ITFG1: variants seen among roughly 807,000 people sequenced by gnomAD.
The protein encoded by ITFG1 is T-cell immunomodulatory protein.
A neutral mutation model predicts 81.8 loss-of-function variants in ITFG1; 34 were observed. The observed-to-expected ratio is 0.42, with a 90% confidence interval of 0.32 to 0.55. ITFG1 has a LOEUF of 0.55. ITFG1 is among the 20% of genes least tolerant of loss of function. The pLI, the probability that ITFG1 is intolerant of heterozygous loss-of-function variation, is 0.17. For missense variants in ITFG1, 672 were observed against 755.4 expected (o/e 0.89, Z 1.29); for synonymous variants, 285 against 270.6 (o/e 1.05, Z -0.52).
intron 7 of ITFG1, among the ~76,000 whole-genome samples, chr16:47,371,252 T>G (rs1207766077): frequency 6.6e-6 from 1 of 152,272 alleles, no homozygotes; most frequent in Non-Finnish European, 1.5e-5. Context: ...AGTCCTTCTT[T>G]AAGCATTCCT....
At chr16:47,385,585 A>T (rs1280477712) in intron 6 of ITFG1, among the ~76,000 whole-genome samples, 2 of 152,266 alleles carry the variant, frequency 1.3e-5, no homozygotes, top group Non-Finnish European at 2.9e-5. Context: ...AAATAATTTT[A>T]AAAACAATGT....
chr16:47,197,995 T>C (rs751730819), intron 14 of ITFG1, among the ~76,000 whole-genome samples: 2 of 152,234 alleles, frequency 1.3e-5, no homozygotes, highest in Non-Finnish European at 2.9e-5. Context: ...TATAATTTCT[T>C]TTTATAGGGC....
At chr16:47,392,145 G>A (rs1218495059) in intron 6 of ITFG1, among the ~76,000 whole-genome samples, 1 of 152,194 alleles carries the variant, frequency 6.6e-6, no homozygotes, top group Non-Finnish European at 1.5e-5. Flanking sequence ...TGGGTGCGGT[G>A]GCTAATGCCT....
At chr16:47,306,663 C>A (rs1028940587) in intron 10 of ITFG1, among the ~76,000 whole-genome samples, 7 of 148,670 alleles carry the variant, frequency 4.7e-5, no homozygotes, top group Non-Finnish European at 7.4e-5. Context: ...AAAAAAAAAA[C>A]TTGAAGAAAG....
intron 12 of ITFG1, among the ~76,000 whole-genome samples, chr16:47,251,843 T>A (rs1295425740): frequency 6.6e-6 from 1 of 152,382 alleles, no homozygotes; most frequent in Non-Finnish European, 1.5e-5. Flanking sequence ...GTTATGTGAA[T>A]GTAGTTTTTC....
chr16:47,206,067 C>T (rs537262474), intron 14 of ITFG1, among the ~76,000 whole-genome samples: 3 of 152,078 alleles, frequency 2.0e-5, no homozygotes, highest in Admixed American at 1.3e-4. Flanking sequence ...GGTTTCACCA[C>T]GTTGGTCTGG....
intron 8 of ITFG1, among the ~76,000 whole-genome samples, chr16:47,353,521 T>C (rs1380885356): frequency 2.0e-5 from 3 of 152,048 alleles, no homozygotes; most frequent in African/African-American, 7.2e-5. Context: ...TCACCACTTG[T>C]ATTAAAAAAA....
chr16:47,220,899 A>G (rs914471018), intron 13 of ITFG1, among the ~76,000 whole-genome samples: 2 of 152,220 alleles, frequency 1.3e-5, no homozygotes, highest in African/African-American at 4.8e-5. Context: ...AGAACTTTGC[A>G]AGAATCCAAG....
At chr16:47,282,197 A>G (rs1342426769) in intron 10 of ITFG1, among the ~76,000 whole-genome samples, 1 of 151,736 alleles carries the variant, frequency 6.6e-6, no homozygotes. Context: ...ACATTGGTAC[A>G]ATATATACTA....
chr16:47,449,030 T>A (rs1311861068), intron 5 of ITFG1: 1 of 152,206 alleles, frequency 6.6e-6, no homozygotes, highest in Non-Finnish European at 1.5e-5. Flanking sequence ...TTATCACCAC[T>A]GCTGTTTAGA....
In ITFG1 at chr16:47,409,395, TATATATA is replaced by T. The variant is rs1467430303; in HGVS notation, c.655+19402_655+19408del. On this transcript the variant is annotated intron_variant, in intron 6 of 17. Transcript: ENST00000320640. ...CACACTATATATATATATATATATA[TATATATA>T]TATTTTTTTTTTTTTTTTTTTTTTT... is the stretch of plus-strand genomic sequence containing the variant. Among the ~76,000 whole-genome samples the T allele has an allele frequency of 6.8e-3, 122 of 17,850 alleles. 8 individuals are homozygous for T. The highest frequency in any genetic ancestry group is 0.052 in the Admixed American group (90 of 1,724). The allele number at this position is 17,850 out of a possible 152,430, so 11.7% of individuals were successfully genotyped here. A position where few individuals can be genotyped will look rare whatever the true frequency, so the allele number is the denominator to read the frequency against.
intron 10 of ITFG1, among the ~76,000 whole-genome samples, chr16:47,288,716 T>C (rs1456898657): frequency 1.3e-5 from 2 of 152,088 alleles, no homozygotes; most frequent in Non-Finnish European, 2.9e-5. Flanking sequence ...CTGGTTAACA[T>C]GGTGAAACCC....
chr16:47,234,658 C>T (rs989329629), intron 13 of ITFG1, among the ~76,000 whole-genome samples: 1 of 151,952 alleles, frequency 6.6e-6, no homozygotes, highest in Non-Finnish European at 1.5e-5. Context: ...TTGAAACAAG[C>T]CAGAAAAAAG....
chr16:47,450,594 A>G (rs775438516), intron 5 of ITFG1: 6 of 212,608 alleles, frequency 2.8e-5, no homozygotes, highest in South Asian at 2.0e-4. Context: ...TATAAAACAC[A>G]AAGAGAAAAG....
chr16:47,279,936 TAA>T (rs1056220150), intron 10 of ITFG1, among the ~76,000 whole-genome samples: 1 of 152,160 alleles, frequency 6.6e-6, no homozygotes, highest in East Asian at 1.9e-4. Context: ...TATATAGAAA[TAA>T]GAGTGATTCT....
chr16:47,338,837 A>T (rs922704512), intron 8 of ITFG1, among the ~76,000 whole-genome samples: 1 of 152,124 alleles, frequency 6.6e-6, no homozygotes, highest in Non-Finnish European at 1.5e-5. Flanking sequence ...CTACTCTTCT[A>T]TTTTAAAATG....
intron 6 of ITFG1, among the ~76,000 whole-genome samples, chr16:47,426,645 A>G (rs942913923): frequency 3.3e-5 from 5 of 151,820 alleles, no homozygotes; most frequent in Non-Finnish European, 7.4e-5. Context: ...AAAATTTACT[A>G]GATAAAAGGT....
chr16:47,409,402 A>AAATT (rs1968777287), intron 6 of ITFG1, among the ~76,000 whole-genome samples: 1 of 8,780 alleles, frequency 1.1e-4, no homozygotes, highest in Non-Finnish European at 2.2e-4. Context: ...ATATATATAT[A>AAATT]TATTTTTTTT....
At chr16:47,375,541 T>A (rs1046556611) in intron 7 of ITFG1, among the ~76,000 whole-genome samples, 1 of 152,208 alleles carries the variant, frequency 6.6e-6, no homozygotes, top group Non-Finnish European at 1.5e-5. Flanking sequence ...TTAAAATAGT[T>A]TTTTTTCATA....
Sources: gnomAD v4.1 joint callset for allele counts (sites outside exome capture counted in the v4.1 genomes callset) on GRCh38, gnomAD v4.1.1 for gene constraint, MANE v1.5 for transcripts, NCBI Gene and HGNC (gene_info 2026-07-23, HGNC 2026-07-21) for gene names.